The following ERI1 variants were observed in gnomAD, a reference collection of about 807,000 sequenced individuals.
The protein encoded by ERI1 is exoribonuclease 1, also known as 3'-5' exoribonuclease 1.
A neutral mutation model predicts 39.7 loss-of-function variants in ERI1; 39 were observed. The observed-to-expected ratio is 0.98, with a 90% CI of 0.76 to 1.28. ERI1 has a LOEUF of 1.28. ERI1 is among the 50% of genes most tolerant of loss of function. ERI1 has a pLI of 0.00. For missense variants in ERI1, 581 were observed against 416.9 expected (o/e 1.39, Z -3.43); for synonymous variants, 204 against 149.6 (o/e 1.36, Z -2.65).
intron 3 of ERI1, among the ~76,000 whole-genome samples, chr8:9,059,135 C>A (rs1018775204): frequency 6.6e-5 from 10 of 152,060 alleles, no homozygotes; most frequent in South Asian, 2.1e-4. Flanking sequence ...AGCTTCTGAG[C>A]CAGGATGAGC....
At chr8:9,003,832 C>T (rs952911236) in intron 1 of ERI1, among the ~76,000 whole-genome samples, 2 of 152,184 alleles carry the variant, frequency 1.3e-5, no homozygotes, top group African/African-American at 4.8e-5. Flanking sequence ...TGATCTTTTC[C>T]TAATAATAAA....
At chr8:9,014,562 T>A (rs1402025359) in intron 3 of ERI1, among the ~76,000 whole-genome samples, 1 of 152,216 alleles carries the variant, frequency 6.6e-6, no homozygotes, top group Non-Finnish European at 1.5e-5. Context: ...TGATTAAAGA[T>A]TTGGCCAATG....
intron 3 of ERI1, among the ~76,000 whole-genome samples, chr8:9,072,017 G>C (rs1799068668): frequency 6.6e-6 from 1 of 152,216 alleles, no homozygotes; most frequent in African/African-American, 2.4e-5. Context: ...AGTGAGTGGA[G>C]ATTGCACCAC....
At chr8:9,039,231 C>G (rs1797945046) in intron 3 of ERI1, among the ~76,000 whole-genome samples, 1 of 152,068 alleles carries the variant, frequency 6.6e-6, no homozygotes, top group South Asian at 2.1e-4. Context: ...TTCAAAACAC[C>G]TTTTAGGATA....
intron 3 of ERI1, among the ~76,000 whole-genome samples, 183 bp from the exon 4 acceptor site, chr8:9,016,139 A>G (rs1320220693): frequency 6.6e-6 from 1 of 152,204 alleles, no homozygotes; most frequent in Non-Finnish European, 1.5e-5. Context: ...TTATGAATCA[A>G]TTCATTTTTT....
intron 3 of ERI1, among the ~76,000 whole-genome samples, chr8:9,073,282 A>G (rs1799111676): frequency 6.6e-6 from 1 of 152,252 alleles, no homozygotes; most frequent in Non-Finnish European, 1.5e-5. Context: ...CATCGTCCCG[A>G]ACATGCAAGA....
chr8:9,056,418 G>A (rs1256024052), intron 3 of ERI1, among the ~76,000 whole-genome samples: 1 of 152,216 alleles, frequency 6.6e-6, no homozygotes, highest in East Asian at 1.9e-4. Context: ...ACAGAATCGA[G>A]TTGATGAGCC....
intron 3 of ERI1, among the ~76,000 whole-genome samples, chr8:9,040,994 A>G (rs1336312010): frequency 2.0e-5 from 3 of 152,176 alleles, no homozygotes; most frequent in African/African-American, 7.2e-5. Flanking sequence ...GCATGCATAC[A>G]AGGTATAGCG....
chr8:9,067,800 G>A (rs1038718303), intron 3 of ERI1, among the ~76,000 whole-genome samples: 1 of 152,032 alleles, frequency 6.6e-6, no homozygotes, highest in Non-Finnish European at 1.5e-5. Flanking sequence ...AGTCTGAGCA[G>A]AACTGGGACA....
At chr8:9,087,414 T>C (rs1799563789) in intron 3 of ERI1, among the ~76,000 whole-genome samples, 1 of 50,564 alleles carries the variant, frequency 2.0e-5, no homozygotes, top group Non-Finnish European at 4.2e-5. Flanking sequence ...ATGTGGCTAT[T>C]TTTTTTTTTT....
intron 4 of ERI1, among the ~76,000 whole-genome samples, chr8:9,016,968 C>T (rs1418013405): frequency 2.0e-5 from 3 of 152,190 alleles, no homozygotes; most frequent in African/African-American, 4.8e-5. Context: ...CAGACGTGAG[C>T]CACCATGCCC....
intron 5 of ERI1, among the ~76,000 whole-genome samples, chr8:9,019,655 A>G (rs1817676576): frequency 1.3e-5 from 2 of 152,220 alleles, no homozygotes. Flanking sequence ...ATTGTACAGA[A>G]GCACTAGTGT....
chr8:9,092,239 G>C (rs1799730201), intron 3 of ERI1, among the ~76,000 whole-genome samples: 1 of 152,164 alleles, frequency 6.6e-6, no homozygotes, highest in African/African-American at 2.4e-5. Context: ...TTACAGGCCT[G>C]AACCACTGTG....
chr8:9,096,131 A>G (rs1203249992), intron 3 of ERI1, among the ~76,000 whole-genome samples: 1 of 152,168 alleles, frequency 6.6e-6, no homozygotes, highest in Non-Finnish European at 1.5e-5. Context: ...TCAAGTACAA[A>G]CTCTCCATTG....
rs567184491 is a variant in ERI1, at chr8:9,044,029, C to T, written n.299+23565C>T. Among the ~76,000 whole-genome samples the T allele has an allele frequency of 1.2e-4, 19 of 152,270 alleles. 1 individual carries two copies. The highest frequency in any genetic ancestry group is 3.1e-4 in the African/African-American group (13 of 41,546). On this transcript the variant is annotated intron_variant and non_coding_transcript_variant, in intron 3 of 3. Coordinates refer to the ERI1 transcript ENST00000518663. ...GTTTAGATCTTGGTTCTGAGACTTACTGGTGGTGGGACCTCAGCAAGTTAC... is the reference window on the plus strand; with the variant it reads ...GTTTAGATCTTGGTTCTGAGACTTATTGGTGGTGGGACCTCAGCAAGTTAC...
chr8:9,020,927 T>C (rs1817820276), intron 6 of ERI1, among the ~76,000 whole-genome samples: 1 of 152,232 alleles, frequency 6.6e-6, no homozygotes, highest in Non-Finnish European at 1.5e-5. Context: ...GTTTTTGTTT[T>C]TGTTTTTTTT....
At chr8:9,015,169 C>T (rs1817097486) in intron 3 of ERI1, among the ~76,000 whole-genome samples, 1 of 152,068 alleles carries the variant, frequency 6.6e-6, no homozygotes, top group African/African-American at 2.4e-5. Flanking sequence ...TACTGTTGCT[C>T]ATTTACAATT....
chr8:9,008,501 G>C lies in ERI1; in HGVS notation c.287+353G>C, dbSNP rs113896562. The stretch of plus-strand genomic sequence containing the variant: ...ATTTTTTATTTTCTTTTTGCCATTT[G>C]TATCTTTTATAAAAAGAGTTTGTTT... On this transcript the variant is annotated intron_variant, in intron 2 of 6. Coordinates refer to ENST00000250263, the MANE Select transcript of ERI1 (RefSeq NM_153332.4). 8.9e-3 allele frequency among the ~76,000 whole-genome samples: 1,348 copies of C among 152,126 alleles called. 20 individuals carry two copies. Among genetic ancestry groups the C allele is most frequent in the African/African-American group, 0.031 (1,294 of 41,500 alleles).
chr8:9,093,518 AAAAAG>A (rs1160812087), intron 3 of ERI1, among the ~76,000 whole-genome samples: 12 of 150,904 alleles, frequency 8.0e-5, no homozygotes, highest in East Asian at 3.9e-4. Context: ...AAAAAAAAAA[AAAAAG>A]AAGAAGAAGA....
Sources: gnomAD v4.1 joint callset for allele counts (sites outside exome capture counted in the v4.1 genomes callset) on GRCh38, gnomAD v4.1.1 for gene constraint, MANE v1.5 for transcripts, NCBI Gene and HGNC (gene_info 2026-07-23, HGNC 2026-07-21) for gene names.